MCUB: variants seen among roughly 807,000 people sequenced by gnomAD.
MCUB encodes the protein calcium uniporter regulatory subunit MCUb, mitochondrial.
MCUB carries 46 observed loss-of-function variants against 41.4 expected under a neutral mutation model. The ratio of observed to expected loss-of-function variants is 1.11; its 90% CI spans 0.88 to 1.42. MCUB has a LOEUF of 1.42. MCUB is among the 40% of genes most tolerant of loss of function. The pLI is 0.00. For missense variants in MCUB, 403 were observed against 404.9 expected (o/e 1.00, Z 0.04); for synonymous variants, 148 against 148.2 (o/e 1.00, Z 0.01).
chr4:109,646,389 T>C (rs1386767718), intron 1 of MCUB, among the ~76,000 whole-genome samples: 2 of 152,188 alleles, frequency 1.3e-5, no homozygotes, highest in African/African-American at 4.8e-5. Flanking sequence ...TCCACTAAGC[T>C]ATCAATTCTA....
At position 109,682,563 on chromosome 4, in the gene MCUB, C is replaced by G. The variant is rs776987540; in HGVS notation, c.452-19C>G. 1 of 1,588,600 alleles carries G rather than the reference C, an allele frequency of 6.3e-7. No individual in the cohort carries two copies. The highest frequency in any genetic ancestry group is 8.6e-7 in the Non-Finnish European group (1 of 1,168,318). On this transcript the variant is annotated intron_variant, in intron 4 of 7. Transcript: ENST00000394650. Reference sequence around the variant, plus strand: ...GAACAATGTGGTGACTGGCTTGTTTCCCTTGTGTCTTTTCTCAGAAAAACC... The same window carrying G: ...GAACAATGTGGTGACTGGCTTGTTTGCCTTGTGTCTTTTCTCAGAAAAACC...
At chr4:109,617,457 T>C (rs936676907) in intron 1 of MCUB, among the ~76,000 whole-genome samples, 3 of 152,184 alleles carry the variant, frequency 2.0e-5, no homozygotes, top group Non-Finnish European at 2.9e-5. Flanking sequence ...ACTGATGCAT[T>C]GAAGTCCAAA....
At chr4:109,625,064 G>T (rs972582230) in intron 1 of MCUB, among the ~76,000 whole-genome samples, 1 of 152,042 alleles carries the variant, frequency 6.6e-6, no homozygotes, top group Non-Finnish European at 1.5e-5. Context: ...CATTTGAACC[G>T]GGGAGGTGGA....
At chr4:109,603,026 A>T (rs907198177) in intron 1 of MCUB, among the ~76,000 whole-genome samples, 4 of 152,086 alleles carry the variant, frequency 2.6e-5, no homozygotes, top group Non-Finnish European at 5.9e-5. Flanking sequence ...TGATTTTTGT[A>T]TGTTGATTTT....
intron 1 of MCUB, among the ~76,000 whole-genome samples, chr4:109,623,541 A>G (rs1231207804): frequency 6.6e-6 from 1 of 152,230 alleles, no homozygotes; most frequent in Admixed American, 6.5e-5. Context: ...AATATTTCCC[A>G]GGACAAATAT....
rs772614451 is a variant in MCUB, at chr4:109,612,949, A to AC, written c.100-46062_100-46061insC. On this transcript the variant is annotated intron_variant, in intron 1 of 7. Coordinates refer to ENST00000394650, the MANE Select transcript of MCUB (RefSeq NM_017918.5). ...GTGAAATCCCGTCTCTACTAAAAAT[A>AC]TAAAAAATTAGCTGGGTGTGGTGGC... 1.2e-3 allele frequency among the ~76,000 whole-genome samples: 180 copies of AC among 152,158 alleles called. 1 individual carries two copies. Among genetic ancestry groups the AC allele is most frequent in the Non-Finnish European group, 2.1e-3 (143 of 67,998 alleles).
chr4:109,643,713 A>G (rs761583564), intron 1 of MCUB, among the ~76,000 whole-genome samples: 1 of 151,946 alleles, frequency 6.6e-6, no homozygotes, highest in African/African-American at 2.4e-5. Flanking sequence ...CACGTTGGCC[A>G]GGGTGGTGTA....
chr4:109,627,665 C>G (rs1304086603), intron 1 of MCUB, among the ~76,000 whole-genome samples: 1 of 152,164 alleles, frequency 6.6e-6, no homozygotes, highest in Non-Finnish European at 1.5e-5. Context: ...GTAATCCCAG[C>G]ACTTTGGGAG....
intron 1 of MCUB, among the ~76,000 whole-genome samples, chr4:109,652,026 C>A (rs948834253): frequency 1.6e-4 from 25 of 152,194 alleles, no homozygotes; most frequent in African/African-American, 6.0e-4. Context: ...CAGTTGGTTT[C>A]TTCTGAAGCC....
Position 109,685,276 on chromosome 4 carries a change from G to T in MCUB, c.842G>T (p.Ser281Ile), listed in dbSNP as rs775265937. ...GATTATACTTACTCAGCTGTTAAGA[G>T]TAGGCAATTTCTTCAGTTCTTCCAC... ...RQDYTYSAVKSRQFLQFFHKK... is the reference protein window; with the variant it reads ...RQDYTYSAVKIRQFLQFFHKK... Residue 281 changes from serine (S) to isoleucine (I), a missense_variant, in exon 7 of 8, where the codon AGT becomes ATT. Ser to Ile is a moderately radical substitution (Grantham distance 142). Transcript: ENST00000394650. The T allele has an allele frequency of 2.6e-6, 4 of 1,514,032 alleles. No homozygotes were observed. Among genetic ancestry groups the T allele is most frequent in the Non-Finnish European group, 3.7e-6 (4 of 1,090,494 alleles). 93.8% of individuals were successfully genotyped at this position (1,514,032 alleles called of 1,614,324 possible). A position where few individuals can be genotyped will look rare whatever the true frequency, so the allele number is the denominator to read the frequency against.
chr4:109,571,771 A>G (rs1485016063), intron 1 of MCUB, among the ~76,000 whole-genome samples: 1 of 152,206 alleles, frequency 6.6e-6, no homozygotes, highest in Admixed American at 6.5e-5. Flanking sequence ...TGCACAGAGG[A>G]TGTTTCAGTT....
rs1235706220 is a variant in MCUB at position 109,664,313 on chromosome 4, A to G, written c.370A>G (p.Thr124Ala). Residue 124 changes from threonine (T) to alanine (A), a missense_variant, in exon 4 of 8, where the codon ACC becomes GCC. Coordinates refer to ENST00000394650, the MANE Select transcript of MCUB (RefSeq NM_017918.5). Reference sequence around the variant, plus strand: ...AGATGGCAACATGATTTCAGCTTCTACCTTGATGGATATTTTGCTAATGAA... The same window carrying G: ...AGATGGCAACATGATTTCAGCTTCTGCCTTGATGGATATTTTGCTAATGAA... ...TADGNMISAS[T>A]LMDILLMNDF... 7 of 1,565,780 alleles carry G rather than the reference A, an allele frequency of 4.5e-6. No individual in the cohort carries two copies. The highest frequency in any genetic ancestry group is 6.2e-6 in the Non-Finnish European group (7 of 1,136,398).
At chr4:109,676,544 T>G (rs904968817) in intron 4 of MCUB, among the ~76,000 whole-genome samples, 3 of 152,092 alleles carry the variant, frequency 2.0e-5, no homozygotes, top group Non-Finnish European at 2.9e-5. Flanking sequence ...CAATACAGGC[T>G]TTTTCTAGTC....
intron 1 of MCUB, among the ~76,000 whole-genome samples, chr4:109,629,157 G>A (rs1005133936): frequency 2.6e-5 from 4 of 151,912 alleles, no homozygotes; most frequent in Non-Finnish European, 5.9e-5. Context: ...ATTTTCTTGA[G>A]ATGGAGTCTT....
intron 1 of MCUB, among the ~76,000 whole-genome samples, chr4:109,608,130 T>C (rs1727922177): frequency 6.6e-6 from 1 of 152,206 alleles, no homozygotes; most frequent in African/African-American, 2.4e-5. Context: ...TAGCCTGTCT[T>C]GAAGCTCACT....
intron 1 of MCUB, among the ~76,000 whole-genome samples, chr4:109,565,221 G>C (rs1561210106): frequency 6.6e-6 from 1 of 152,210 alleles, no homozygotes; most frequent in Non-Finnish European, 1.5e-5. Flanking sequence ...TAACATGCAT[G>C]GCATAGGTCT....
intron 1 of MCUB, among the ~76,000 whole-genome samples, chr4:109,650,795 G>T (rs747974545): frequency 2.0e-5 from 3 of 152,132 alleles, no homozygotes; most frequent in Non-Finnish European, 4.4e-5. Flanking sequence ...TAATTTAGTT[G>T]TCATGTCTCC....
At chr4:109,596,578 G>T (rs1402267361) in intron 1 of MCUB, among the ~76,000 whole-genome samples, 1 of 152,168 alleles carries the variant, frequency 6.6e-6, no homozygotes, top group Non-Finnish European at 1.5e-5. Flanking sequence ...CATCAGCATG[G>T]CAAAGCAGGG....
At chr4:109,572,928 G>T (rs1700318686) in intron 1 of MCUB, among the ~76,000 whole-genome samples, 4 of 152,062 alleles carry the variant, frequency 2.6e-5, no homozygotes, top group Non-Finnish European at 5.9e-5. Context: ...TTAATGAGTT[G>T]TCCAAAGTGC....
Sources: allele counts gnomAD v4.1 joint callset (sites outside exome capture counted in the v4.1 genomes callset), GRCh38; gene constraint gnomAD v4.1.1; transcripts MANE v1.5; gene names NCBI Gene and HGNC (gene_info 2026-07-23, HGNC 2026-07-21).